FRMD4A: variants seen among roughly 807,000 people sequenced by gnomAD.
The protein encoded by FRMD4A is FERM domain containing 4A.
A neutral mutation model predicts 129.1 loss-of-function variants in FRMD4A; 29 were observed. The observed-to-expected ratio is 0.22, with a 90% CI of 0.17 to 0.31. The LOEUF (loss-of-function observed/expected upper bound fraction) is 0.31, where lower values mean the gene tolerates loss of function less well. FRMD4A is among the 10% of genes least tolerant of loss of function. The pLI is 1.00. For synonymous variants in FRMD4A, 634 were observed against 571.6 expected (o/e 1.11, Z -1.56); for missense variants, 1,272 against 1,375.8 (o/e 0.92, Z 1.19).
At chr10:13,675,388 A>G (rs1444772685) in intron 15 of FRMD4A, among the ~76,000 whole-genome samples, 1 of 152,184 alleles carries the variant, frequency 6.6e-6, no homozygotes, top group Non-Finnish European at 1.5e-5. Flanking sequence ...CATGTCAGCA[A>G]TTTTAATACG....
chr10:13,811,332 C>A (rs2093441836), intron 3 of FRMD4A, among the ~76,000 whole-genome samples: 1 of 150,438 alleles, frequency 6.6e-6, no homozygotes, highest in Non-Finnish European at 1.5e-5. Context: ...GGGGTTTCAC[C>A]ATGTTGGCCA....
chr10:13,747,522 C>G (rs568060608), intron 9 of FRMD4A, among the ~76,000 whole-genome samples: 1 of 55,674 alleles, frequency 1.8e-5, no homozygotes, highest in African/African-American at 6.7e-5. Context: ...AAGTGAGATC[C>G]GTCTCAAAAA....
chr10:14,132,431 G>A (rs1418818339), intron 2 of FRMD4A, among the ~76,000 whole-genome samples: 2 of 152,216 alleles, frequency 1.3e-5, no homozygotes, highest in African/African-American at 4.8e-5. Context: ...TGTGGAGAGG[G>A]GAGGCTGCCT....
At chr10:13,916,029 G>A (rs2095000037) in intron 2 of FRMD4A, among the ~76,000 whole-genome samples, 1 of 152,246 alleles carries the variant, frequency 6.6e-6, no homozygotes, top group African/African-American at 2.4e-5. Flanking sequence ...ACTGCTGAAG[G>A]CACAGACTTG....
rs374701413 is a variant in FRMD4A at position 14,257,871 on chromosome 10, A to T, written c.45+72187T>A. Among the ~76,000 whole-genome samples the T allele has an allele frequency of 2.0e-5, 3 of 152,306 alleles. No homozygotes were observed. The South Asian group carries it at 6.2e-4, about 32-fold the overall frequency. Reference sequence around the variant, plus strand: ...TTCCAGCTTCCAGAACTGTAAGAAAACAACTGTCTGCTGTGTAAAGCCACC... The same window carrying T: ...TTCCAGCTTCCAGAACTGTAAGAAATCAACTGTCTGCTGTGTAAAGCCACC... On this transcript the variant is annotated intron_variant, in intron 2 of 24. Coordinates refer to ENST00000357447, the MANE Select transcript of FRMD4A (RefSeq NM_018027.5).
At chr10:13,832,139 G>A (rs1365190852) in intron 3 of FRMD4A, among the ~76,000 whole-genome samples, 1 of 150,228 alleles carries the variant, frequency 6.7e-6, no homozygotes. Context: ...CAAGAGAACC[G>A]AGTTGCCGGC....
In FRMD4A at chr10:13,843,481, G is replaced by A. The variant is rs892292571; in HGVS notation, c.111+15366C>T. The stretch of plus-strand genomic sequence containing the variant: ...TTTCCTCTATGATAAAAAGAGTCAC[G>A]ATGGGAAGAAAGTCTCTTTTCTGCT... On this transcript the variant is annotated intron_variant, in intron 3 of 24. Coordinates refer to ENST00000357447, the MANE Select transcript of FRMD4A (RefSeq NM_018027.5). 7.9e-5 allele frequency among the ~76,000 whole-genome samples: 12 copies of A among 152,136 alleles called. 1 individual carries two copies. The highest frequency in any genetic ancestry group is 7.2e-4 in the Admixed American group (11 of 15,268).
chr10:13,747,847 C>T (rs781295323), intron 8 of FRMD4A, 28 bp from the exon 9 acceptor site: 183 of 1,292,220 alleles, frequency 1.4e-4, no homozygotes, highest in Non-Finnish European at 2.0e-4. Context: ...CAGAAACGCA[C>T]TCACCCTCTG....
intron 3 of FRMD4A, among the ~76,000 whole-genome samples, chr10:13,830,412 A>C (rs1309969870): frequency 6.6e-6 from 1 of 152,246 alleles, no homozygotes; most frequent in Non-Finnish European, 1.5e-5. Flanking sequence ...GCAAGCATGC[A>C]TCTTTCTCCC....
chr10:13,689,333 T>C (rs2085445622), intron 15 of FRMD4A, among the ~76,000 whole-genome samples: 1 of 151,276 alleles, frequency 6.6e-6, no homozygotes, highest in Admixed American at 6.6e-5. Flanking sequence ...AGACACACCA[T>C]GATTTGGGTT....
chr10:13,880,919 T>C (rs2094539161), intron 2 of FRMD4A, among the ~76,000 whole-genome samples: 1 of 152,016 alleles, frequency 6.6e-6, no homozygotes, highest in Non-Finnish European at 1.5e-5. Context: ...GTCTGCCCCT[T>C]CCTCTTCGAA....
Position 13,646,229 on chromosome 10 carries a change from A to T in FRMD4A, c.*809T>A, listed in dbSNP as rs575501678. 3.3e-5 allele frequency: 5 copies of T among 152,780 alleles called. No individual in the cohort carries two copies. The South Asian group carries it at 1.0e-3, about 32-fold the overall frequency. 9.5% of individuals were successfully genotyped at this position (152,780 alleles called of 1,614,324 possible). ...GAGGACACCAGTTTACATAGGGTTG[A>T]CTTTCACTTGTGTGTAGTAGCAGTT... is the stretch of plus-strand genomic sequence containing the variant. On this transcript the variant is annotated 3_prime_UTR_variant, in exon 25 of 25. Coordinates refer to ENST00000357447, the MANE Select transcript of FRMD4A (RefSeq NM_018027.5).
intron 2 of FRMD4A, among the ~76,000 whole-genome samples, chr10:14,116,393 T>C (rs889518719): frequency 1.3e-5 from 2 of 152,196 alleles, no homozygotes; most frequent in Admixed American, 1.3e-4. Context: ...TTGAGCCCAT[T>C]GGAATGGGTG....
intron 2 of FRMD4A, among the ~76,000 whole-genome samples, chr10:14,047,396 G>A (rs2131681455): frequency 6.6e-6 from 1 of 152,212 alleles, no homozygotes; most frequent in Non-Finnish European, 1.5e-5. Context: ...TGCAAGAAAG[G>A]TCCTCAGAGG....
chr10:14,206,307 C>G (rs1842779620), intron 2 of FRMD4A, among the ~76,000 whole-genome samples: 1 of 152,148 alleles, frequency 6.6e-6, no homozygotes, highest in South Asian at 2.1e-4. Flanking sequence ...GGGGGAAAAA[C>G]TAATTAAAAG....
At chr10:13,792,494 C>T (rs1399650101) in intron 5 of FRMD4A, among the ~76,000 whole-genome samples, 3 of 152,168 alleles carry the variant, frequency 2.0e-5, no homozygotes, top group South Asian at 2.1e-4. Context: ...CAGACCTGAC[C>T]GAACAGATGA....
intron 2 of FRMD4A, among the ~76,000 whole-genome samples, chr10:14,030,188 T>A (rs1329688846): frequency 6.6e-6 from 1 of 152,226 alleles, no homozygotes. Flanking sequence ...TGCACAGCGA[T>A]GTGACTGAGT....
intron 2 of FRMD4A, among the ~76,000 whole-genome samples, chr10:13,940,894 A>G (rs1252430695): frequency 6.6e-6 from 1 of 152,198 alleles, no homozygotes; most frequent in Non-Finnish European, 1.5e-5. Context: ...GTGTCAACCA[A>G]TGATCACACA....
At chr10:13,734,834 CTTTTTCTATTTATTTA>C (rs1442609960) in intron 12 of FRMD4A, among the ~76,000 whole-genome samples, 4 of 143,086 alleles carry the variant, frequency 2.8e-5, no homozygotes, top group African/African-American at 1.0e-4. Context: ...TTTTCTTCTT[CTTTTTCTATTTATTTA>C]TTTATTTATT....
Sources: gnomAD v4.1 joint callset for allele counts (sites outside exome capture counted in the v4.1 genomes callset) on GRCh38, gnomAD v4.1.1 for gene constraint, MANE v1.5 for transcripts, NCBI Gene and HGNC (gene_info 2026-07-23, HGNC 2026-07-21) for gene names.